The following RANBP17 variants were observed in gnomAD, a reference collection of about 807,000 sequenced individuals.
RANBP17 encodes the protein RAN binding protein 17.
A neutral mutation model predicts 141.2 loss-of-function variants in RANBP17; 158 were observed. The observed-to-expected ratio is 1.12, with a 90% CI of 0.98 to 1.28. The LOEUF (loss-of-function observed/expected upper bound fraction) is 1.28. Among genes scored for constraint, RANBP17 ranks in the 50% most tolerant of loss-of-function variants. RANBP17 has a pLI of 0.00. For synonymous variants in RANBP17, 430 were observed against 450.0 expected, an observed-to-expected ratio of 0.96 and a Z score of 0.56; for missense variants, 1,438 against 1,290.7, an observed-to-expected ratio of 1.11 and a Z score of -1.75.
intron 1 of RANBP17, 54 bp from the exon 2 acceptor site, chr5:170,878,043 T>C: frequency 7.5e-7 from 1 of 1,335,394 alleles, no homozygotes; most frequent in Non-Finnish European, 1.0e-6. Flanking sequence ...TGTGGTTAAA[T>C]ATTTACCTCA....
rs1321166230 is a variant in RANBP17 at position 171,293,893 on chromosome 5, T to A, written c.2954T>A (p.Val985Asp). The A allele has an allele frequency of 2.5e-6, 4 of 1,612,886 alleles. No individual in the cohort carries two copies. The highest frequency in any genetic ancestry group is 3.4e-6 in the Non-Finnish European group (4 of 1,178,916). Reference protein sequence around the residue: ...NPDVLQQMMSVLMNTIVFEDC... With the variant: ...NPDVLQQMMSDLMNTIVFEDC... ...GATTCTATCTTCTAGATGATGTCTG[T>A]CCTCATGAACACCATTGTCTTTGAA... The change falls in exon 26 of 28, where the codon GTC becomes GAC. Residue 985 changes from valine (V) to aspartate (D), a missense_variant. Physicochemically the swap from Val to Asp is radical, Grantham distance 152. Coordinates refer to ENST00000523189, the MANE Select transcript of RANBP17 (RefSeq NM_022897.5).
At chr5:171,232,540 GA>G (rs760626206) in intron 22 of RANBP17, among the ~76,000 whole-genome samples, 27 of 151,422 alleles carry the variant, frequency 1.8e-4, no homozygotes, top group African/African-American at 6.1e-4. Flanking sequence ...CCATGGGGGG[GA>G]AAAATCCAGC....
chr5:171,077,573 C>G lies in RANBP17; in HGVS notation c.1711-92557C>G, dbSNP rs769781386. ...CAACATGAACATGCATAGAACAGTTCTATAAAAAAACACAACAAACTAATA... is the reference window on the plus strand; with the variant it reads ...CAACATGAACATGCATAGAACAGTTGTATAAAAAAACACAACAAACTAATA... On this transcript the variant is annotated intron_variant, in intron 14 of 27. Transcript: ENST00000523189. Among the ~76,000 whole-genome samples, 40 of 152,024 alleles carry G rather than the reference C, an allele frequency of 2.6e-4. 1 individual carries two copies. The highest frequency in any genetic ancestry group is 3.2e-3 in the Middle Eastern group (1 of 316).
At chr5:171,068,986 G>A (rs2608089) in intron 14 of RANBP17, among the ~76,000 whole-genome samples, 92,510 of 151,470 alleles carry the variant, frequency 0.61, 29,572 homozygotes, top group South Asian at 0.88. Flanking sequence ...GCGATATTTT[G>A]CGAAAACTAT....
At chr5:171,108,557 C>T (rs933894635) in intron 14 of RANBP17, among the ~76,000 whole-genome samples, 2 of 152,048 alleles carry the variant, frequency 1.3e-5, no homozygotes, top group African/African-American at 2.4e-5. Flanking sequence ...GGACCACAGC[C>T]GTGCATCACC....
chr5:171,256,860 G>T (rs1765931261), intron 24 of RANBP17, among the ~76,000 whole-genome samples: 1 of 151,416 alleles, frequency 6.6e-6, no homozygotes, highest in Non-Finnish European at 1.5e-5. Context: ...GAACCAGGAA[G>T]AAATAGAAGT....
intron 14 of RANBP17, among the ~76,000 whole-genome samples, chr5:171,000,812 C>T (rs141578415): frequency 9.4e-4 from 143 of 152,164 alleles, no homozygotes; most frequent in Middle Eastern, 3.4e-3. Flanking sequence ...TTACAAAGAA[C>T]CTTCTTAAGG....
intron 14 of RANBP17, among the ~76,000 whole-genome samples, chr5:170,992,327 T>C (rs542929075): frequency 2.6e-5 from 4 of 152,024 alleles, no homozygotes; most frequent in Non-Finnish European, 5.9e-5. Flanking sequence ...ATAATATTCA[T>C]TGCTCTTTTT....
chr5:171,128,711 T>A (rs993884716), intron 14 of RANBP17, among the ~76,000 whole-genome samples: 4 of 152,178 alleles, frequency 2.6e-5, no homozygotes, highest in African/African-American at 9.7e-5. Context: ...CTGGATATCC[T>A]AAACATCTTG....
intron 14 of RANBP17, among the ~76,000 whole-genome samples, chr5:171,087,395 A>G (rs1489541444): frequency 4.6e-5 from 7 of 152,032 alleles, no homozygotes; most frequent in South Asian, 2.1e-4. Context: ...TATGTGGTCA[A>G]TTTTGGAATA....
At chr5:170,870,665 G>C (rs1338368590) in intron 1 of RANBP17, among the ~76,000 whole-genome samples, 1 of 152,110 alleles carries the variant, frequency 6.6e-6, no homozygotes, top group South Asian at 2.1e-4. Context: ...ATTGTGAATA[G>C]TGCTGCAGTA....
intron 22 of RANBP17, among the ~76,000 whole-genome samples, chr5:171,223,914 A>G (rs1262019929): frequency 6.6e-6 from 1 of 152,194 alleles, no homozygotes; most frequent in Non-Finnish European, 1.5e-5. Flanking sequence ...AAAATACTAT[A>G]TATACCTCTT....
intron 19 of RANBP17, among the ~76,000 whole-genome samples, chr5:171,203,898 A>G (rs1423229445): frequency 6.6e-6 from 1 of 152,194 alleles, no homozygotes; most frequent in Non-Finnish European, 1.5e-5. Context: ...GCCTACTTTA[A>G]TAGAAACACT....
intron 14 of RANBP17, among the ~76,000 whole-genome samples, chr5:171,120,791 G>A (rs577140432): frequency 1.3e-5 from 2 of 152,178 alleles, no homozygotes; most frequent in East Asian, 1.9e-4. Flanking sequence ...TTCATGTTTG[G>A]TGTGTCCCTA....
chr5:171,223,157 C>T (rs1235774120), intron 22 of RANBP17, among the ~76,000 whole-genome samples: 3 of 151,978 alleles, frequency 2.0e-5, no homozygotes, highest in Non-Finnish European at 4.4e-5. Flanking sequence ...CATTGTAGGC[C>T]TCCATTAAAA....
chr5:170,881,368 G>A (rs1444687071), intron 2 of RANBP17, among the ~76,000 whole-genome samples: 3 of 152,136 alleles, frequency 2.0e-5, no homozygotes, highest in Admixed American at 6.6e-5. Flanking sequence ...AGTCAGACAT[G>A]GGTTTCAAGG....
intron 14 of RANBP17, among the ~76,000 whole-genome samples, chr5:171,014,251 G>T (rs2127594083): frequency 6.6e-6 from 1 of 151,554 alleles, no homozygotes; most frequent in Non-Finnish European, 1.5e-5. Context: ...ATATGATTCA[G>T]CCTTCTTTCT....
chr5:170,966,158 G>A lies in RANBP17; in HGVS notation c.1575-2084G>A, dbSNP rs1405311838. ...ATTCCTTCTGAAACTATTCCAATCA[G>A]TAGAAAAAGAGGGAATCCTCCCTAA... On this transcript the variant is annotated intron_variant, in intron 13 of 27. Transcript: ENST00000523189. Among the ~76,000 whole-genome samples the A allele has an allele frequency of 1.5e-4, 22 of 151,704 alleles. No homozygotes were observed. The East Asian group carries it at 1.5e-3, about 11-fold the overall frequency.
At chr5:170,958,106 A>C (rs1336949869) in intron 13 of RANBP17, among the ~76,000 whole-genome samples, 1 of 152,160 alleles carries the variant, frequency 6.6e-6, no homozygotes. Flanking sequence ...GCCACACGAA[A>C]CCACTTGTGC....
Sources: allele counts gnomAD v4.1 joint callset (sites outside exome capture counted in the v4.1 genomes callset), GRCh38; gene constraint gnomAD v4.1.1; transcripts MANE v1.5; gene names NCBI Gene and HGNC (gene_info 2026-07-23, HGNC 2026-07-21).